ACYP2: variants seen among roughly 807,000 people sequenced by gnomAD.
ACYP2 encodes acylphosphatase-2.
ACYP2 carries 12 observed loss-of-function variants against 11.2 expected under a neutral mutation model. The ratio of observed to expected loss-of-function variants is 1.08; its 90% CI spans 0.69 to 1.74. The LOEUF (loss-of-function observed/expected upper bound fraction) is 1.74. Among genes scored for constraint, ACYP2 ranks in the 40% most tolerant of loss-of-function variants. The pLI, the probability that ACYP2 is intolerant of heterozygous loss-of-function variation, is 0.00. For synonymous variants in ACYP2, 43 were observed against 32.2 expected (o/e 1.33, Z -1.13); for missense variants, 134 against 101.9 (o/e 1.31, Z -1.35).
intron 6 of ACYP2, among the ~76,000 whole-genome samples, chr2:54,186,062 T>C (rs1208385808): frequency 2.0e-5 from 3 of 152,048 alleles, no homozygotes; most frequent in African/African-American, 7.2e-5. Flanking sequence ...GATCTGCAAA[T>C]GCATGCGAAA....
At chr2:54,179,125 A>C (rs1464468059) in intron 6 of ACYP2, among the ~76,000 whole-genome samples, 1 of 151,910 alleles carries the variant, frequency 6.6e-6, no homozygotes, top group Non-Finnish European at 1.5e-5. Context: ...CATTAAGGGA[A>C]TGCCTTAATG....
chr2:54,163,662 C>T (rs1190638515), intron 6 of ACYP2, among the ~76,000 whole-genome samples: 1 of 152,052 alleles, frequency 6.6e-6, no homozygotes, highest in African/African-American at 2.4e-5. Flanking sequence ...TGAGACCAGC[C>T]TGGCCAATGT....
chr2:54,221,513 T>C (rs955345857), intron 6 of ACYP2, among the ~76,000 whole-genome samples: 9 of 136,658 alleles, frequency 6.6e-5, no homozygotes, highest in Admixed American at 2.2e-4. Flanking sequence ...TTTTATTGAA[T>C]AAAATTCTTT....
At chr2:54,178,228 A>G (rs981337675) in intron 6 of ACYP2, among the ~76,000 whole-genome samples, 1 of 152,150 alleles carries the variant, frequency 6.6e-6, no homozygotes, top group Admixed American at 6.5e-5. Flanking sequence ...CCCTATTGTT[A>G]TATATACACT....
At chr2:54,161,707 C>T (rs946802745) in intron 6 of ACYP2, among the ~76,000 whole-genome samples, 1 of 152,112 alleles carries the variant, frequency 6.6e-6, no homozygotes, top group African/African-American at 2.4e-5. Context: ...AGTCAGTTCT[C>T]TTTTACATGA....
intron 2 of ACYP2, among the ~76,000 whole-genome samples, chr2:54,047,781 A>G (rs887582141): frequency 7.2e-5 from 11 of 152,224 alleles, no homozygotes; most frequent in African/African-American, 2.7e-4. Context: ...TGGATTTTTT[A>G]AAAAGGTTGT....
At chr2:54,122,137 T>G (rs1680194274) in intron 4 of ACYP2, among the ~76,000 whole-genome samples, 1 of 152,230 alleles carries the variant, frequency 6.6e-6, no homozygotes, top group African/African-American at 2.4e-5. Context: ...TATAGATCAC[T>G]TCCTGCATTC....
chr2:54,061,193 T>C (rs1676452355), intron 4 of ACYP2, among the ~76,000 whole-genome samples: 1 of 152,198 alleles, frequency 6.6e-6, no homozygotes. Context: ...TTATTGGTTT[T>C]TTATTTTGGC....
intron 2 of ACYP2, among the ~76,000 whole-genome samples, chr2:54,032,242 G>T (rs1488477156): frequency 2.0e-5 from 3 of 152,288 alleles, no homozygotes; most frequent in African/African-American, 7.2e-5. Context: ...TTTTCTTCTA[G>T]GGTTTTATGG....
At chr2:54,092,205 C>T (rs1312992029) in intron 4 of ACYP2, among the ~76,000 whole-genome samples, 2 of 152,044 alleles carry the variant, frequency 1.3e-5, no homozygotes, top group Non-Finnish European at 2.9e-5. Flanking sequence ...TGCTGGGGAA[C>T]AATGGAATAG....
At chr2:54,038,813 A>AG (rs1198622478) in intron 2 of ACYP2, among the ~76,000 whole-genome samples, 1 of 150,294 alleles carries the variant, frequency 6.7e-6, no homozygotes, top group Non-Finnish European at 1.5e-5. Flanking sequence ...AAAAAAAAAA[A>AG]AAAAGATAAA....
chr2:54,123,612 C>T (rs1680282240), intron 4 of ACYP2, among the ~76,000 whole-genome samples: 1 of 152,056 alleles, frequency 6.6e-6, no homozygotes, highest in Non-Finnish European at 1.5e-5. Context: ...CATTCCCCAC[C>T]TCATTCCCCC....
chr2:54,014,845 G>C (rs891881842), intron 2 of ACYP2, among the ~76,000 whole-genome samples: 2 of 151,580 alleles, frequency 1.3e-5, no homozygotes, highest in African/African-American at 4.9e-5. Flanking sequence ...CAGCAATCTC[G>C]GACTCTTGGC....
intron 6 of ACYP2, among the ~76,000 whole-genome samples, chr2:54,207,766 A>G (rs1685142911): frequency 6.6e-6 from 1 of 152,206 alleles, no homozygotes; most frequent in Non-Finnish European, 1.5e-5. Flanking sequence ...ATGAACCATG[A>G]TTCTTATCAG....
intron 6 of ACYP2, among the ~76,000 whole-genome samples, chr2:54,206,005 ACTT>A (rs1479728208): frequency 6.6e-6 from 1 of 152,118 alleles, no homozygotes; most frequent in Non-Finnish European, 1.5e-5. Flanking sequence ...ATTCTAATTT[ACTT>A]CTATTGCCTA....
At chr2:54,095,768 G>C (rs1160816660) in intron 4 of ACYP2, among the ~76,000 whole-genome samples, 25 of 134,690 alleles carry the variant, frequency 1.9e-4, no homozygotes, top group South Asian at 5.1e-4. Flanking sequence ...CCCGGACGGG[G>C]CGGCTGGCCG....
chr2:53,976,505 C>A (rs1265650151), intron 2 of ACYP2, among the ~76,000 whole-genome samples: 4 of 152,110 alleles, frequency 2.6e-5, no homozygotes, highest in Non-Finnish European at 5.9e-5. Context: ...CCACACCTGG[C>A]CAGAAACGTA....
intron 6 of ACYP2, among the ~76,000 whole-genome samples, chr2:54,259,711 TGAC>T (rs58828655): frequency 0.18 from 27,101 of 151,912 alleles, 2,707 homozygotes; most frequent in African/African-American, 0.29. Context: ...GATTGAATAT[TGAC>T]AATTCTTTTG....
intron 6 of ACYP2, among the ~76,000 whole-genome samples, chr2:54,270,903 C>A (rs1558658886): frequency 6.6e-6 from 1 of 151,754 alleles, no homozygotes; most frequent in Non-Finnish European, 1.5e-5. Context: ...TAATATATAT[C>A]TAAATCTGTT....
Sources: gnomAD v4.1 joint callset for allele counts (sites outside exome capture counted in the v4.1 genomes callset) on GRCh38, gnomAD v4.1.1 for gene constraint, MANE v1.5 for transcripts, NCBI Gene and HGNC (gene_info 2026-07-23, HGNC 2026-07-21) for gene names.